The following PPP2R2D variants were observed in gnomAD, a reference collection of about 807,000 sequenced individuals.
PPP2R2D encodes the protein serine/threonine-protein phosphatase 2A 55 kDa regulatory subunit B delta isoform.
PPP2R2D carries 9 observed loss-of-function variants against 31.1 expected under a neutral mutation model. The observed-to-expected ratio is 0.29, with a 90% CI of 0.17 to 0.51. The LOEUF (loss-of-function observed/expected upper bound fraction) is 0.51. PPP2R2D is among the 20% of genes least tolerant of loss of function. The pLI is 0.98. For synonymous variants in PPP2R2D, 179 were observed against 172.6 expected, an observed-to-expected ratio of 1.04 and a Z score of -0.29; for missense variants, 391 against 465.6, an observed-to-expected ratio of 0.84 and a Z score of 1.48.
At chr10:131,916,481 C>T (rs1159984930) in intron 2 of PPP2R2D, among the ~76,000 whole-genome samples, 1 of 152,144 alleles carries the variant, frequency 6.6e-6, no homozygotes, top group Non-Finnish European at 1.5e-5. Context: ...ACTACCTGTT[C>T]CCAAAACAAC....
At chr10:131,904,434 C>T (rs1431687709) in intron 2 of PPP2R2D, among the ~76,000 whole-genome samples, 2 of 146,512 alleles carry the variant, frequency 1.4e-5, no homozygotes, top group African/African-American at 5.1e-5. Context: ...GGCATGAACC[C>T]GGGAGGCAGA....
intron 3 of PPP2R2D, among the ~76,000 whole-genome samples, chr10:131,935,460 GATCTGTA>G (rs2036320919): frequency 1.3e-5 from 2 of 152,286 alleles, no homozygotes; most frequent in Non-Finnish European, 2.9e-5. Flanking sequence ...CCTCTCTGCA[GATCTGTA>G]CACAGGAAGT....
Position 131,943,981 on chromosome 10 carries a change from A to T in PPP2R2D, c.491A>T (p.Lys164Met). ...RITALRVPIL[K>M]PMDLMVEASP... ...TTCCATTTTTAGGTCCCAATATTGA[A>T]GCCCATGGATCTTATGGTAGAAGCG... The change falls in exon 6 of 9, where the codon AAG (lysine) becomes ATG (methionine). Residue 164 changes from lysine to methionine, a missense_variant. Coordinates refer to ENST00000455566, the MANE Select transcript of PPP2R2D (RefSeq NM_018461.5). 3.2e-6 allele frequency: 3 copies of T among 939,224 alleles called. No individual in the cohort carries two copies. The highest frequency in any genetic ancestry group is 1.6e-5 in the African/African-American group (1 of 62,050). The allele number at this position is 939,224 out of a possible 1,614,324, so 58.2% of individuals were successfully genotyped here.
At chr10:131,920,942 G>T (rs1476933758) in intron 2 of PPP2R2D, among the ~76,000 whole-genome samples, 3 of 152,182 alleles carry the variant, frequency 2.0e-5, no homozygotes, top group African/African-American at 7.2e-5. Flanking sequence ...TACAAAAAGT[G>T]AAACAGGAAT....
intron 2 of PPP2R2D, among the ~76,000 whole-genome samples, chr10:131,921,225 T>C (rs1022061026): frequency 2.6e-5 from 4 of 152,234 alleles, no homozygotes; most frequent in Non-Finnish European, 2.9e-5. Context: ...TGTTGTTGCA[T>C]GTCTAGATCT....
At chr10:131,917,955 T>C (rs374593718) in intron 2 of PPP2R2D, among the ~76,000 whole-genome samples, 369 of 109,460 alleles carry the variant, frequency 3.4e-3, no homozygotes, top group Middle Eastern at 6.6e-3. Context: ...ACAGTGTTTG[T>C]AGGGACCTCA....
At chr10:131,949,517 C>T (rs1286363089) in intron 8 of PPP2R2D, among the ~76,000 whole-genome samples, 2 of 152,146 alleles carry the variant, frequency 1.3e-5, no homozygotes, top group Admixed American at 1.3e-4. Context: ...CAAGCACATA[C>T]AGGAAAAGCC....
At chr10:131,907,970 G>C (rs1344773995) in intron 2 of PPP2R2D, among the ~76,000 whole-genome samples, 2 of 152,104 alleles carry the variant, frequency 1.3e-5, no homozygotes, top group Non-Finnish European at 2.9e-5. Flanking sequence ...AACTCTGAGG[G>C]CCCCTTTCTG....
At chr10:131,940,225 G>T in intron 4 of PPP2R2D, 29 bp downstream of exon 4, 3 of 631,634 alleles carry the variant, frequency 4.7e-6, no homozygotes, top group South Asian at 2.2e-5. Flanking sequence ...GTGGCTGTTT[G>T]ATTTAGTTTT....
chr10:131,936,677 A>G (rs1315827979), intron 3 of PPP2R2D, among the ~76,000 whole-genome samples: 1 of 152,242 alleles, frequency 6.6e-6, no homozygotes, highest in Non-Finnish European at 1.5e-5. Flanking sequence ...AAAGTCAAGC[A>G]TCTCGTTCTA....
At chr10:131,935,107 AG>A (rs782332858) in intron 3 of PPP2R2D, 3 of 372,084 alleles carry the variant, frequency 8.1e-6, no homozygotes, top group Non-Finnish European at 1.6e-5. Flanking sequence ...ACAGCTCATA[AG>A]CAAGCACTGG....
chr10:131,909,137 G>A lies in PPP2R2D; in HGVS notation c.100+7807G>A, dbSNP rs894633443. On this transcript the variant is annotated intron_variant, in intron 2 of 8. Transcript: ENST00000455566. ...AGGGGAGGAGAATGTTCCAGGTGGA[G>A]AGTGCTTGGTGTGGAGGTTGGACAG... Among the ~76,000 whole-genome samples the A allele has an allele frequency of 1.6e-3, 237 of 152,344 alleles. 1 individual carries two copies. In the East Asian group the frequency reaches 0.018, roughly 12 times the overall value.
chr10:131,962,568 G>A (rs1484300340), downstream of PPP2R2D, among the ~76,000 whole-genome samples: 1 of 152,172 alleles, frequency 6.6e-6, no homozygotes, highest in Non-Finnish European at 1.5e-5. Context: ...TGTCTTGGAC[G>A]TTTCTAACAG....
intron 5 of PPP2R2D, among the ~76,000 whole-genome samples, chr10:131,943,316 C>T (rs1554897457): frequency 6.6e-6 from 1 of 152,132 alleles, no homozygotes; most frequent in East Asian, 1.9e-4. Flanking sequence ...GTACCTTCTA[C>T]TTTTTGTTTT....
intron 8 of PPP2R2D, among the ~76,000 whole-genome samples, chr10:131,951,705 C>T (rs1252896777): frequency 1.3e-5 from 2 of 152,034 alleles, no homozygotes; most frequent in Non-Finnish European, 2.9e-5. Flanking sequence ...CCTTTAATCC[C>T]ACCACTCAGG....
At position 131,901,561 on chromosome 10, in the gene PPP2R2D, T is replaced by G; in HGVS notation, c.100+231T>G. Among the ~76,000 whole-genome samples, 2 of 152,094 alleles carry G rather than the reference T, an allele frequency of 1.3e-5. 1 individual carries two copies. The highest frequency in any genetic ancestry group is 2.9e-5 in the Non-Finnish European group (2 of 67,984). On this transcript the variant is annotated intron_variant, in intron 2 of 8. Coordinates refer to ENST00000455566, the MANE Select transcript of PPP2R2D (RefSeq NM_018461.5). Reference sequence around the variant, plus strand: ...GGCGTCGGGCCCGCGGCGGGACTTATGTAAGTCACCAAGGTCACGGGCGGC... The same window carrying G: ...GGCGTCGGGCCCGCGGCGGGACTTAGGTAAGTCACCAAGGTCACGGGCGGC...
chr10:131,943,955 C>T lies in PPP2R2D; in HGVS notation c.478-13C>T, dbSNP rs1354844661. ...GATCTTTGTTTTGAATTCCTATTTC[C>T]TTCCATTTTTAGGTCCCAATATTGA... On this transcript the variant is annotated splice_polypyrimidine_tract_variant and intron_variant, in intron 5 of 8. Coordinates refer to ENST00000455566, the MANE Select transcript of PPP2R2D (RefSeq NM_018461.5). 1 of 815,456 alleles carries T rather than the reference C, an allele frequency of 1.2e-6. No individual in the cohort carries two copies. Among genetic ancestry groups the T allele is most frequent in the Non-Finnish European group, 2.2e-6 (1 of 454,498 alleles). 50.5% of individuals were successfully genotyped at this position (815,456 alleles called of 1,614,324 possible). A position where few individuals can be genotyped will look rare whatever the true frequency, so the allele number is the denominator to read the frequency against.
At chr10:131,924,756 C>G (rs1179451846) in intron 2 of PPP2R2D, among the ~76,000 whole-genome samples, 4 of 149,384 alleles carry the variant, frequency 2.7e-5, no homozygotes, top group African/African-American at 9.8e-5. Context: ...TTGTAGAACA[C>G]TTTGGAGATA....
At chr10:131,936,240 C>T (rs991484471) in intron 3 of PPP2R2D, among the ~76,000 whole-genome samples, 1 of 151,678 alleles carries the variant, frequency 6.6e-6, no homozygotes, top group Non-Finnish European at 1.5e-5. Flanking sequence ...CTCTGTCTCC[C>T]GGGTTTAAGT....
Sources: allele counts gnomAD v4.1 joint callset (sites outside exome capture counted in the v4.1 genomes callset), GRCh38; gene constraint gnomAD v4.1.1; transcripts MANE v1.5; gene names NCBI Gene and HGNC (gene_info 2026-07-23, HGNC 2026-07-21).